Variants in RELN observed in about 807,000 individuals in gnomAD.
The protein encoded by RELN is reelin.
A neutral mutation model predicts 427.6 loss-of-function variants in RELN; 108 were observed. The observed-to-expected ratio is 0.25, with a 90% CI of 0.22 to 0.30. The LOEUF (loss-of-function observed/expected upper bound fraction) is 0.30, where lower values mean the gene tolerates loss of function less well. RELN is among the 10% of genes least tolerant of loss of function. The pLI is 1.00. For synonymous variants in RELN, 1,524 were observed against 1,513.4 expected (o/e 1.01, Z -0.16); for missense variants, 3,715 against 4,302.8 (o/e 0.86, Z 3.82).
chr7:103,654,605 A>T (rs1483265002), intron 12 of RELN, among the ~76,000 whole-genome samples: 1 of 152,134 alleles, frequency 6.6e-6, no homozygotes, highest in African/African-American at 2.4e-5. Flanking sequence ...AACAAGGGTG[A>T]TGACTTCCTG....
intron 1 of RELN, among the ~76,000 whole-genome samples, chr7:103,986,058 G>A (rs1797091044): frequency 6.6e-6 from 1 of 151,906 alleles, no homozygotes; most frequent in African/African-American, 2.4e-5. Context: ...CAAAAAAAAA[G>A]GAAATTCTAG....
chr7:103,755,417 G>C (rs1223480114), intron 4 of RELN, among the ~76,000 whole-genome samples: 1 of 152,072 alleles, frequency 6.6e-6, no homozygotes, highest in African/African-American at 2.4e-5. Flanking sequence ...GACAATCCTG[G>C]CTAACACGGT....
chr7:103,951,318 AATAG>A (rs780722129), intron 1 of RELN, among the ~76,000 whole-genome samples: 5 of 152,340 alleles, frequency 3.3e-5, no homozygotes, highest in Middle Eastern at 6.8e-3. Flanking sequence ...ATCAAAACAA[AATAG>A]ATAGGAAGGA....
At chr7:103,933,038 C>A (rs2116713118) in intron 1 of RELN, among the ~76,000 whole-genome samples, 1 of 152,290 alleles carries the variant, frequency 6.6e-6, no homozygotes, top group South Asian at 2.1e-4. Context: ...GCAAGACACT[C>A]TGGTTTGTGG....
chr7:103,493,523 G>GA lies in RELN; in HGVS notation c.9370-1498dup, dbSNP rs1183025124. Reference sequence around the variant, plus strand: ...ATTAATTGTTAGCCAGTCAAGGTTGGATGTGCAGATTTGAAATTTGCTCTT... The same window carrying GA: ...ATTAATTGTTAGCCAGTCAAGGTTGGAATGTGCAGATTTGAAATTTGCTCTT... On this transcript the variant is annotated intron_variant, in intron 57 of 64. Transcript: ENST00000428762. Among the ~76,000 whole-genome samples the GA allele has an allele frequency of 3.3e-5, 5 of 152,266 alleles. No homozygotes were observed. The South Asian group carries it at 6.2e-4, about 19-fold the overall frequency.
intron 11 of RELN, among the ~76,000 whole-genome samples, chr7:103,681,780 A>G (rs1833657473): frequency 6.6e-6 from 1 of 152,182 alleles, no homozygotes; most frequent in South Asian, 2.1e-4. Context: ...AGACAAACAA[A>G]AATCTCAATA....
At chr7:103,604,286 T>C (rs1831757868) in intron 23 of RELN, 60 bp downstream of exon 23, 9 of 1,601,822 alleles carry the variant, frequency 5.6e-6, no homozygotes, top group Non-Finnish European at 5.1e-6. Flanking sequence ...ACTGCTGTGG[T>C]ATCCTCCAGC....
chr7:103,648,298 C>T (rs776889914), intron 16 of RELN, among the ~76,000 whole-genome samples: 10 of 152,050 alleles, frequency 6.6e-5, no homozygotes, highest in Admixed American at 1.3e-4. Context: ...TTCACTCTCT[C>T]TTCCTCCTTC....
chr7:103,602,739 G>A (rs1831703271), intron 24 of RELN, among the ~76,000 whole-genome samples: 1 of 152,082 alleles, frequency 6.6e-6, no homozygotes, highest in African/African-American at 2.4e-5. Context: ...TAGATGATGA[G>A]TTGATGGGTA....
chr7:103,575,522 C>G (rs751744787), intron 29 of RELN, 26 bp downstream of exon 29: 32 of 1,610,288 alleles, frequency 2.0e-5, no homozygotes, highest in Non-Finnish European at 2.6e-5. Flanking sequence ...ACAATAAAAC[C>G]CTCAGACACA....
chr7:103,593,778 G>A lies in RELN; in HGVS notation c.3816C>T (p.Ala1272=). ...GMVKNETFCA[A]TPSAMIFGKS... is the part of the protein sequence containing the mutation. ...TTCCAAATATCATTGCTGATGGTGT[G>A]GCAGCACAGAAGGTTTCATTTTTAA... The change falls in exon 27 of 65, where the codon GCC becomes GCT. Residue 1272 remains alanine (A), a synonymous_variant. Coordinates refer to ENST00000428762, the MANE Select transcript of RELN (RefSeq NM_005045.4). 6.2e-7 allele frequency: 1 copy of A among 1,613,326 alleles called. No homozygotes were observed. The highest frequency in any genetic ancestry group is 8.5e-7 in the Non-Finnish European group (1 of 1,179,366).
intron 3 of RELN, among the ~76,000 whole-genome samples, chr7:103,796,875 C>CAAAAAAA (rs1310087423): frequency 1.9e-4 from 13 of 67,064 alleles, no homozygotes; most frequent in South Asian, 6.7e-4. Context: ...CTCCATCTCA[C>CAAAAAAA]AAAAAAAAAA....
intron 11 of RELN, among the ~76,000 whole-genome samples, chr7:103,680,657 A>C (rs1310638188): frequency 6.6e-6 from 1 of 151,932 alleles, no homozygotes; most frequent in East Asian, 2.0e-4. Flanking sequence ...CTGTTCTTAG[A>C]AGAGCTAGAA....
At chr7:103,883,296 A>G (rs774069499) in intron 2 of RELN, among the ~76,000 whole-genome samples, 30 of 152,132 alleles carry the variant, frequency 2.0e-4, no homozygotes, top group Non-Finnish European at 3.7e-4. Flanking sequence ...AATAATAAGA[A>G]CTATTTATGA....
intron 24 of RELN, among the ~76,000 whole-genome samples, chr7:103,598,011 C>A: frequency 6.6e-6 from 1 of 152,146 alleles, no homozygotes; most frequent in East Asian, 1.9e-4. Flanking sequence ...GGAAGAAAAC[C>A]TGAGATAATA....
chr7:103,489,055 A>G (rs1562845756), intron 60 of RELN, among the ~76,000 whole-genome samples: 1 of 152,198 alleles, frequency 6.6e-6, no homozygotes, highest in African/African-American at 2.4e-5. Context: ...ACATTGGATC[A>G]AAGGAAAGCA....
At chr7:103,747,735 T>C (rs1239482394) in intron 6 of RELN, among the ~76,000 whole-genome samples, 1 of 151,556 alleles carries the variant, frequency 6.6e-6, no homozygotes, top group Non-Finnish European at 1.5e-5. Flanking sequence ...CAAAGCATAT[T>C]TGATAAAAGG....
chr7:103,850,272 C>A (rs184897433), intron 2 of RELN, among the ~76,000 whole-genome samples: 34 of 152,312 alleles, frequency 2.2e-4, no homozygotes, highest in African/African-American at 7.5e-4. Context: ...ACTGTGAGTG[C>A]CCCAACTGTG....
intron 64 of RELN, 95 bp downstream of exon 64, chr7:103,478,294 T>G: frequency 1.6e-6 from 1 of 641,950 alleles, no homozygotes. Context: ...TTTTTTTTAG[T>G]TGCAAAGGTG....
Sources: allele counts gnomAD v4.1 joint callset (sites outside exome capture counted in the v4.1 genomes callset), GRCh38; gene constraint gnomAD v4.1.1; transcripts MANE v1.5; gene names NCBI Gene and HGNC (gene_info 2026-07-23, HGNC 2026-07-21).